The following TMTC2 variants were observed in gnomAD, a reference collection of about 807,000 sequenced individuals.
The protein encoded by TMTC2 is transmembrane O-mannosyltransferase targeting cadherins 2.
TMTC2 carries 43 observed loss-of-function variants against 82.4 expected under a neutral mutation model. The ratio of observed to expected loss-of-function variants is 0.52; its 90% confidence interval spans 0.41 to 0.67. The LOEUF (loss-of-function observed/expected upper bound fraction) is 0.67. Ranked by LOEUF, TMTC2 falls within the 30% of genes least tolerant of loss-of-function variation. The probability of loss-of-function intolerance (pLI) is 0.00; values close to 1 mark genes in which losing one functional copy is unlikely to be tolerated. For missense variants in TMTC2, 919 were observed against 1,012.4 expected (o/e 0.91, Z 1.25); for synonymous variants, 408 against 381.9 (o/e 1.07, Z -0.80).
chr12:82,818,453 T>G (rs992734918), intron 1 of TMTC2, among the ~76,000 whole-genome samples: 1 of 152,170 alleles, frequency 6.6e-6, no homozygotes, highest in Non-Finnish European at 1.5e-5. Flanking sequence ...CCTGACTCTT[T>G]CCATGCACTT....
intron 4 of TMTC2, 75 bp from the exon 5 acceptor site, chr12:82,964,949 A>C: frequency 2.2e-6 from 2 of 908,018 alleles, no homozygotes; most frequent in South Asian, 3.8e-5. Flanking sequence ...TTATTTTTGG[A>C]ATATAAAATA....
At chr12:82,765,198 C>T (rs562931766) in intron 1 of TMTC2, among the ~76,000 whole-genome samples, 151 of 152,280 alleles carry the variant, frequency 9.9e-4, no homozygotes, top group Middle Eastern at 6.8e-3. Context: ...TTCCCTTTGG[C>T]TTAATGAGTT....
In TMTC2 at chr12:82,767,390, C is replaced by T. The variant is rs527386171; in HGVS notation, c.83+79721C>T. Among the ~76,000 whole-genome samples the T allele has an allele frequency of 1.4e-4, 22 of 152,150 alleles. No individual in the cohort carries two copies. In the South Asian group the frequency reaches 2.1e-3, roughly 14 times the overall value. On this transcript the variant is annotated intron_variant, in intron 1 of 11. Coordinates refer to ENST00000321196, the MANE Select transcript of TMTC2 (RefSeq NM_152588.3). ...CTTGAGTCCAGGCATTTGAGACCAG[C>T]GTGGGCAACATAGTGAGATCCTGTG... is the stretch of plus-strand genomic sequence containing the variant.
intron 3 of TMTC2, among the ~76,000 whole-genome samples, chr12:82,901,283 A>AATAT (rs1194529610): frequency 7.8e-6 from 1 of 128,286 alleles, no homozygotes; most frequent in African/African-American, 3.3e-5. Flanking sequence ...TAGAGAGAGT[A>AATAT]ATATATATAT....
chr12:82,871,097 T>C (rs974824127), intron 2 of TMTC2, among the ~76,000 whole-genome samples: 1 of 152,190 alleles, frequency 6.6e-6, no homozygotes, highest in Non-Finnish European at 1.5e-5. Context: ...TTATCAAGGC[T>C]TAGTGTGTGC....
At chr12:83,081,569 TAAATC>T (rs1260733516) in intron 11 of TMTC2, among the ~76,000 whole-genome samples, 4 of 152,220 alleles carry the variant, frequency 2.6e-5, no homozygotes, top group Non-Finnish European at 5.9e-5. Context: ...TTTATTTTGA[TAAATC>T]TAGAGAGATG....
chr12:82,692,673 A>G (rs951180925), intron 1 of TMTC2, among the ~76,000 whole-genome samples: 2 of 152,232 alleles, frequency 1.3e-5, no homozygotes, highest in African/African-American at 4.8e-5. Context: ...TCTTAGGAGC[A>G]GAGTATTGTA....
In TMTC2 at chr12:82,813,608, T is replaced by A. The variant is rs12300391; in HGVS notation, c.84-43402T>A. 5.2e-3 allele frequency among the ~76,000 whole-genome samples: 786 copies of A among 152,212 alleles called. 5 individuals carry two copies. The highest frequency in any genetic ancestry group is 0.018 in the African/African-American group (747 of 41,576). On this transcript the variant is annotated intron_variant, in intron 1 of 11. Transcript: ENST00000321196. The stretch of plus-strand genomic sequence containing the variant: ...CTCCTACCTCCCTTGATCTATAAAC[T>A]ATATTTTTACAGTTTTATAAGATTT...
At position 83,130,314 on chromosome 12, in the gene TMTC2, TAAC is replaced by T. The variant is rs1885223908; in HGVS notation, c.2332-1893_2332-1891del. On this transcript the variant is annotated intron_variant, in intron 11 of 11. Transcript: ENST00000321196. ...ACTCAGGATAATAACAGTGGTGTGA[TAAC>T]AAAGTTCTTTTAGGAAGACAGAGTA... Among the ~76,000 whole-genome samples the T allele has an allele frequency of 3.3e-5, 5 of 152,336 alleles. No individual in the cohort carries two copies. In the South Asian group the frequency reaches 1.0e-3, roughly 32 times the overall value.
intron 1 of TMTC2, among the ~76,000 whole-genome samples, chr12:82,779,057 T>C (rs935418697): frequency 3.5e-5 from 5 of 142,860 alleles, no homozygotes; most frequent in Non-Finnish European, 1.5e-5. Context: ...AAAAAAAAAA[T>C]CTCACACAGC....
chr12:82,903,805 T>G (rs1004510139), intron 3 of TMTC2, among the ~76,000 whole-genome samples: 6 of 152,230 alleles, frequency 3.9e-5, no homozygotes, highest in South Asian at 2.1e-4. Flanking sequence ...TGTTCAGTAT[T>G]ATTACAGTCA....
At chr12:82,933,049 C>G (rs1290584088) in intron 4 of TMTC2, among the ~76,000 whole-genome samples, 46 of 152,132 alleles carry the variant, frequency 3.0e-4, no homozygotes, top group Admixed American at 3.0e-3. Flanking sequence ...TTGACAAGAT[C>G]AGTTTTTCCC....
chr12:82,985,538 A>C (rs1879117991), intron 7 of TMTC2, among the ~76,000 whole-genome samples: 1 of 152,160 alleles, frequency 6.6e-6, no homozygotes, highest in Non-Finnish European at 1.5e-5. Flanking sequence ...TTATTCTATA[A>C]ATACTTGAAT....
At chr12:82,940,359 T>C (rs918969572) in intron 4 of TMTC2, among the ~76,000 whole-genome samples, 4 of 152,158 alleles carry the variant, frequency 2.6e-5, no homozygotes, top group Non-Finnish European at 5.9e-5. Flanking sequence ...TCAAGATTTA[T>C]TAAAATTTTG....
intron 4 of TMTC2, among the ~76,000 whole-genome samples, chr12:82,943,422 A>G (rs1565820982): frequency 6.6e-6 from 1 of 152,122 alleles, no homozygotes; most frequent in Non-Finnish European, 1.5e-5. Context: ...TCAAAGTTTC[A>G]TCACCTCCTG....
chr12:82,949,682 C>T (rs559097550), intron 4 of TMTC2, among the ~76,000 whole-genome samples: 3 of 151,958 alleles, frequency 2.0e-5, no homozygotes, highest in Non-Finnish European at 4.4e-5. Flanking sequence ...ATATAAGAGA[C>T]GTTAATATAA....
At chr12:83,100,260 C>T (rs968048793) in intron 11 of TMTC2, among the ~76,000 whole-genome samples, 2 of 152,026 alleles carry the variant, frequency 1.3e-5, no homozygotes, top group Non-Finnish European at 2.9e-5. Flanking sequence ...CGCTGGGTCA[C>T]CTTCAAGTTT....
intron 11 of TMTC2, among the ~76,000 whole-genome samples, chr12:83,115,398 G>C (rs1278342310): frequency 2.6e-5 from 4 of 152,190 alleles, no homozygotes; most frequent in Non-Finnish European, 5.9e-5. Context: ...GTTTTAGAGA[G>C]ATAGATGATG....
At chr12:82,801,250 G>A (rs1255546680) in intron 1 of TMTC2, among the ~76,000 whole-genome samples, 4 of 152,102 alleles carry the variant, frequency 2.6e-5, no homozygotes, top group Non-Finnish European at 4.4e-5. Context: ...AAGGCGGTGT[G>A]TCCGGAGTTT....
Sources: gnomAD v4.1 joint callset for allele counts (sites outside exome capture counted in the v4.1 genomes callset) on GRCh38, gnomAD v4.1.1 for gene constraint, MANE v1.5 for transcripts, NCBI Gene and HGNC (gene_info 2026-07-23, HGNC 2026-07-21) for gene names.